BRWD1: variants seen among roughly 807,000 people sequenced by gnomAD.
BRWD1 encodes the protein bromodomain and WD repeat domain containing 1.
In BRWD1, 82 loss-of-function variants were observed where a neutral mutation model predicts 251.2. The ratio of observed to expected loss-of-function variants is 0.33; its 90% CI spans 0.27 to 0.39. BRWD1 has a LOEUF of 0.39. Among genes scored for constraint, BRWD1 ranks in the 10% least tolerant of loss-of-function variants. The probability of loss-of-function intolerance (pLI) is 1.00; values close to 1 mark genes in which losing one functional copy is unlikely to be tolerated. For synonymous variants in BRWD1, 918 were observed against 902.8 expected (o/e 1.02, Z -0.30); for missense variants, 2,233 against 2,711.6 (o/e 0.82, Z 3.92).
At chr21:39,247,266 C>A (rs1470833977) in intron 21 of BRWD1, among the ~76,000 whole-genome samples, 1 of 152,174 alleles carries the variant, frequency 6.6e-6, no homozygotes, top group African/African-American at 2.4e-5. Flanking sequence ...TGGCCCAACT[C>A]TGTCAATATA....
chr21:39,258,703 T>C, intron 17 of BRWD1, 31 bp from the exon 18 acceptor site: 5 of 1,417,446 alleles, frequency 3.5e-6, no homozygotes, highest in Middle Eastern at 1.9e-4. Flanking sequence ...TATATAATCA[T>C]ATAAAAGCAG....
upstream of BRWD1, chr21:39,313,659 G>A (rs1024242567): frequency 6.6e-6 from 3 of 456,084 alleles, no homozygotes; most frequent in East Asian, 4.3e-5. Flanking sequence ...GGGGGAGGAA[G>A]TAGTTCCTCC....
At chr21:39,222,870 T>C (rs2033232053) in intron 29 of BRWD1, among the ~76,000 whole-genome samples, 1 of 152,184 alleles carries the variant, frequency 6.6e-6, no homozygotes, top group African/African-American at 2.4e-5. Context: ...ACCTGACACA[T>C]ACCCCCTAAA....
chr21:39,304,536 C>T (rs149356376), intron 4 of BRWD1, among the ~76,000 whole-genome samples: 1 of 152,060 alleles, frequency 6.6e-6, no homozygotes, highest in East Asian at 1.9e-4. Context: ...ATCCCTTGAA[C>T]CCAGGAGGTC....
chr21:39,319,372 G>A (rs1186853769), intron 1 of BRWD1, among the ~76,000 whole-genome samples: 3 of 152,108 alleles, frequency 2.0e-5, no homozygotes, highest in Admixed American at 6.5e-5. Flanking sequence ...GCTGGCCCAT[G>A]TCTGTCTCCA....
intron 40 of BRWD1, among the ~76,000 whole-genome samples, chr21:39,197,815 A>G (rs1329993280): frequency 6.6e-6 from 1 of 152,196 alleles, no homozygotes. Context: ...GCACTGCACT[A>G]GGACTTGAGG....
At chr21:39,277,418 A>G in intron 10 of BRWD1, 67 bp from the exon 11 acceptor site, 2 of 963,850 alleles carry the variant, frequency 2.1e-6, no homozygotes, top group South Asian at 2.4e-5. Context: ...TCAAATTTCC[A>G]TATTAAAATA....
rs762808386 is a variant in BRWD1, at chr21:39,232,440, T to C, written c.2825A>G (p.His942Arg). 3 of 1,589,356 alleles carry C rather than the reference T, an allele frequency of 1.9e-6. No homozygotes were observed. Among genetic ancestry groups the C allele is most frequent in the South Asian group, 1.2e-5 (1 of 85,282 alleles). The change falls in exon 24 of 41, where the codon CAC becomes CGC. Residue 942 changes from histidine to arginine, a missense_variant. His to Arg is a conservative substitution (Grantham distance 29, BLOSUM62 0). Transcript: ENST00000342449. ...LANMEHLYEF[H>R]PPVWITDTTL... ...GGTGTCAGTAATCCAAACTGGAGGGTGAAATTCATATAAATGCTCCATATT... is the reference window on the plus strand; with the variant it reads ...GGTGTCAGTAATCCAAACTGGAGGGCGAAATTCATATAAATGCTCCATATT...
In BRWD1 at chr21:39,313,358, A is replaced by AGCCC. The variant is rs1568987332; in HGVS notation, c.50-60_50-59insGGGC. 5.5e-6 allele frequency: 8 copies of AGCCC among 1,462,836 alleles called. No homozygotes were observed. In the Admixed American group the frequency reaches 1.7e-4, roughly 32 times the overall value. 90.6% of individuals were successfully genotyped at this position (1,462,836 alleles called of 1,614,324 possible). A position where few individuals can be genotyped will look rare whatever the true frequency, so the allele number is the denominator to read the frequency against. On this transcript the variant is annotated intron_variant, in intron 1 of 40. Transcript: ENST00000342449. The stretch of plus-strand genomic sequence containing the variant: ...GCGGGGAGGGGAGGGGGACGGGGCC[A>AGCCC]GGGGAGCCGGGGGAGCCCGGGGAGC...
At chr21:39,266,157 A>C (rs750658412) in intron 15 of BRWD1, among the ~76,000 whole-genome samples, 1 of 152,144 alleles carries the variant, frequency 6.6e-6, no homozygotes, top group Non-Finnish European at 1.5e-5. Context: ...TTGAATAGTG[A>C]TACTTCACTA....
intron 5 of BRWD1, chr21:39,297,644 A>G: frequency 4.2e-6 from 1 of 240,660 alleles, no homozygotes; most frequent in South Asian, 1.5e-4. Flanking sequence ...TAAAGCTAAC[A>G]AACCAGTCTG....
chr21:39,228,355 A>T, intron 27 of BRWD1, 145 bp downstream of exon 27: 1 of 597,904 alleles, frequency 1.7e-6, no homozygotes, highest in African/African-American at 1.9e-5. Context: ...AGCCGTAAGC[A>T]AAATATATTT....
At position 39,229,388 on chromosome 21, in the gene BRWD1, G is replaced by C; in HGVS notation, c.3049C>G (p.Pro1017Ala). Residue 1017 changes from proline to alanine, a missense_variant, in exon 26 of 41, where the codon CCT becomes GCT. Pro to Ala is a conservative substitution (Grantham distance 27). Transcript: ENST00000342449. ...IVGIRYEVGPPTLCCLKLAFI... is the reference protein window; with the variant it reads ...IVGIRYEVGPATLCCLKLAFI... ...GCTAGTTTTAGGCAACAGAGTGTAG[G>C]GGGCCCAACTTCATATCGTATTCCA... 6.2e-7 allele frequency: 1 copy of C among 1,610,564 alleles called. No individual in the cohort carries two copies. The highest frequency in any genetic ancestry group is 8.5e-7 in the Non-Finnish European group (1 of 1,177,090).
rs2031780066 is a variant in BRWD1, at chr21:39,195,762, G to C, written c.*497C>G. On this transcript the variant is annotated 3_prime_UTR_variant, in exon 41 of 41. Transcript: ENST00000342449. ...GGGAAGAAAAAAAAAAAAGTGGTAG[G>C]TACCTCGCCTACTAATCATGGTTAC... 14 of 984,638 alleles carry C rather than the reference G, an allele frequency of 1.4e-5. No homozygotes were observed. The highest frequency in any genetic ancestry group is 1.7e-5 in the Non-Finnish European group (14 of 829,410). The allele number at this position is 984,638 out of a possible 1,614,324, so 61.0% of individuals were successfully genotyped here. A position where few individuals can be genotyped will look rare whatever the true frequency, so the allele number is the denominator to read the frequency against.
At chr21:39,282,794 C>T (rs1414260860) in intron 8 of BRWD1, among the ~76,000 whole-genome samples, 1 of 151,776 alleles carries the variant, frequency 6.6e-6, no homozygotes, top group Non-Finnish European at 1.5e-5. Flanking sequence ...CCTGTCTCTA[C>T]TAAAAATACA....
intron 21 of BRWD1, among the ~76,000 whole-genome samples, chr21:39,242,097 T>C (rs928922817): frequency 5.3e-5 from 8 of 152,292 alleles, no homozygotes; most frequent in Middle Eastern, 3.4e-3. Flanking sequence ...ACTCGCAATG[T>C]AGAAATGATT....
chr21:39,193,920 A>G lies in BRWD1; in HGVS notation c.*2339T>C. Reference sequence around the variant, plus strand: ...CAAAGTTAACCTTAGGAATAGCACCATAACCAAAAAAACCCATAAAAATTA... The same window carrying G: ...CAAAGTTAACCTTAGGAATAGCACCGTAACCAAAAAAACCCATAAAAATTA... On this transcript the variant is annotated 3_prime_UTR_variant, in exon 41 of 41. Transcript: ENST00000342449. The G allele has an allele frequency of 2.0e-6, 2 of 985,576 alleles. No homozygotes were observed. The highest frequency in any genetic ancestry group is 2.4e-6 in the Non-Finnish European group (2 of 829,698). 61.1% of individuals were successfully genotyped at this position (985,576 alleles called of 1,614,324 possible). A position where few individuals can be genotyped will look rare whatever the true frequency, so the allele number is the denominator to read the frequency against.
chr21:39,261,200 G>T (rs573510337), intron 17 of BRWD1, among the ~76,000 whole-genome samples: 1 of 152,114 alleles, frequency 6.6e-6, no homozygotes, highest in Non-Finnish European at 1.5e-5. Flanking sequence ...ACTCCAGCCT[G>T]GGCAACAGAG....
chr21:39,208,230 G>T (rs1032642009), intron 36 of BRWD1, among the ~76,000 whole-genome samples: 29 of 152,160 alleles, frequency 1.9e-4, no homozygotes, highest in African/African-American at 7.0e-4. Context: ...CCTCAAACAT[G>T]TATTTGAGGG....
Sources: gnomAD v4.1 joint callset for allele counts (sites outside exome capture counted in the v4.1 genomes callset) on GRCh38, gnomAD v4.1.1 for gene constraint, MANE v1.5 for transcripts, NCBI Gene and HGNC (gene_info 2026-07-23, HGNC 2026-07-21) for gene names.